TPD52L2: variants seen among roughly 807,000 people sequenced by gnomAD.
The protein encoded by TPD52L2 is tumor protein D54.
A neutral mutation model predicts 24.7 loss-of-function variants in TPD52L2; 19 were observed. That is an observed-to-expected ratio of 0.77 (90% confidence interval 0.54 to 1.13). The LOEUF is 1.13. Among genes scored for constraint, TPD52L2 ranks in the 50% most tolerant of loss-of-function variants. TPD52L2 has a pLI of 0.00. For missense variants in TPD52L2, 236 were observed against 250.4 expected (o/e 0.94, Z 0.39); for synonymous variants, 104 against 100.2 (o/e 1.04, Z -0.23).
intron 5 of TPD52L2, among the ~76,000 whole-genome samples, chr20:63,885,429 G>A (rs766154699): frequency 1.3e-5 from 2 of 152,248 alleles, no homozygotes; most frequent in Non-Finnish European, 2.9e-5. Context: ...TGGCTGCAGT[G>A]AGTGGCAGCA....
At chr20:63,874,670 C>G (rs377412512) in intron 3 of TPD52L2, among the ~76,000 whole-genome samples, 14 of 152,140 alleles carry the variant, frequency 9.2e-5, no homozygotes, top group African/African-American at 3.4e-4. Flanking sequence ...CCACCACATC[C>G]GGCTTATATA....
At chr20:63,881,359 CAAA>C (rs1007760444) in intron 4 of TPD52L2, among the ~76,000 whole-genome samples, 3 of 106,828 alleles carry the variant, frequency 2.8e-5, no homozygotes, top group Non-Finnish European at 1.9e-5. Flanking sequence ...GACTTTGTCT[CAAA>C]AAAAAAAAAA....
chr20:63,890,122 G>A lies in TPD52L2; in HGVS notation c.*177G>A, dbSNP rs1335585895. The A allele has an allele frequency of 6.5e-6, 9 of 1,385,230 alleles. No individual in the cohort carries two copies. Among genetic ancestry groups the A allele is most frequent in the African/African-American group, 5.7e-5 (4 of 69,730 alleles). The allele number at this position is 1,385,230 out of a possible 1,614,324, so 85.8% of individuals were successfully genotyped here. ...CGTTTGCATGAATTTGAAGAACACA[G>A]GCTTGTACACAGATGTTTTACACTC... On this transcript the variant is annotated 3_prime_UTR_variant, in exon 7 of 7. Coordinates refer to ENST00000346249, the MANE Select transcript of TPD52L2 (RefSeq NM_003288.4).
At chr20:63,878,813 G>T (rs967922001) in intron 4 of TPD52L2, among the ~76,000 whole-genome samples, 2 of 152,232 alleles carry the variant, frequency 1.3e-5, no homozygotes, top group Admixed American at 6.5e-5. Flanking sequence ...TCCCAAATGG[G>T]TGCTGGCTGG....
chr20:63,881,472 T>A (rs1458331340), intron 4 of TPD52L2, among the ~76,000 whole-genome samples: 1 of 152,022 alleles, frequency 6.6e-6, no homozygotes, highest in Non-Finnish European at 1.5e-5. Context: ...GGTCACACAC[T>A]CTTGTCAACT....
chr20:63,875,694 C>T (rs2052646045), intron 3 of TPD52L2, 122 bp from the exon 4 acceptor site: 1 of 989,002 alleles, frequency 1.0e-6, no homozygotes, highest in Admixed American at 2.0e-5. Context: ...TTTGGGCCGT[C>T]TGTGGAGTTG....
At chr20:63,888,111 C>T (rs2053199162) in intron 5 of TPD52L2, 1 of 163,568 alleles carries the variant, frequency 6.1e-6, no homozygotes, top group Non-Finnish European at 1.3e-5. Context: ...TATTCTGTGC[C>T]TGCGCCGTCA....
intron 5 of TPD52L2, chr20:63,888,919 G>T (rs1221883545): frequency 3.7e-6 from 2 of 544,872 alleles, no homozygotes; most frequent in Non-Finnish European, 6.6e-6. Flanking sequence ...ACAGAGAGGG[G>T]CCGACATCTC....
In TPD52L2 at chr20:63,872,063, T is replaced by A. The variant is rs925143998; in HGVS notation, c.166-1605T>A. On this transcript the variant is annotated intron_variant, in intron 2 of 6. Coordinates refer to ENST00000346249, the MANE Select transcript of TPD52L2 (RefSeq NM_003288.4). ...TGTTCTTTTTTTTTTTTTTTTTTTT[T>A]AAAGACCTGAGAAAGTTCAAGTCTT... is the stretch of plus-strand genomic sequence containing the variant. 3.3e-4 allele frequency among the ~76,000 whole-genome samples: 49 copies of A among 147,860 alleles called. No individual in the cohort carries two copies. In the East Asian group the frequency reaches 9.0e-3, roughly 27 times the overall value.
At position 63,865,273 on chromosome 20, in the gene TPD52L2, T is replaced by A. The variant is rs574147651; in HGVS notation, c.-93T>A. 3.9e-3 allele frequency: 5,440 copies of A among 1,383,512 alleles called. 23 individuals are homozygous for A. The highest frequency in any genetic ancestry group is 4.4e-3 in the Non-Finnish European group (4,620 of 1,055,784). 85.7% of individuals were successfully genotyped at this position (1,383,512 alleles called of 1,614,324 possible). A position where few individuals can be genotyped will look rare whatever the true frequency, so the allele number is the denominator to read the frequency against. On this transcript the variant is annotated 5_prime_UTR_variant, in exon 1 of 7. Transcript: ENST00000346249. The stretch of plus-strand genomic sequence containing the variant: ...CGAAACGCCGCGGAGCTGAGGCAGT[T>A]CCGCTGGCTAGTGTGTACGCGGCGA...
chr20:63,867,633 G>A (rs536365170), intron 1 of TPD52L2, among the ~76,000 whole-genome samples: 36 of 152,106 alleles, frequency 2.4e-4, no homozygotes, highest in Admixed American at 3.3e-4. Context: ...TTTGTGGAGC[G>A]CCAAGGAAGT....
In TPD52L2 at chr20:63,865,399, CG is replaced by C; in HGVS notation, c.19+17del. ...CGCCGGCCAAGGTACCTGCCGGGCC[CG>C]GCCCCTTCGCCGCAGATGGGCCCAG... On this transcript the variant is annotated intron_variant, in intron 1 of 6. Coordinates refer to ENST00000346249, the MANE Select transcript of TPD52L2 (RefSeq NM_003288.4). The C allele has an allele frequency of 6.5e-7, 1 of 1,529,100 alleles. No individual in the cohort carries two copies. The highest frequency in any genetic ancestry group is 8.7e-7 in the Non-Finnish European group (1 of 1,143,320). The allele number at this position is 1,529,100 out of a possible 1,614,324, so 94.7% of individuals were successfully genotyped here.
intron 2 of TPD52L2, among the ~76,000 whole-genome samples, chr20:63,873,223 C>T (rs1029705241): frequency 1.3e-5 from 2 of 152,008 alleles, no homozygotes; most frequent in African/African-American, 4.8e-5. Context: ...GGCGCGGTGG[C>T]TCACGCCTGT....
chr20:63,886,048 G>A (rs201759339), intron 5 of TPD52L2: 94 of 1,614,100 alleles, frequency 5.8e-5, no homozygotes, highest in Non-Finnish European at 7.5e-5. Flanking sequence ...TTTAGGTAAG[G>A]CTGAGCCTGG....
rs1022555420 is a variant in TPD52L2 at position 63,877,844 on chromosome 20, G to A, written c.374+1969G>A. Among the ~76,000 whole-genome samples, 2 of 152,218 alleles carry A rather than the reference G, an allele frequency of 1.3e-5. No individual in the cohort carries two copies. Among genetic ancestry groups the A allele is most frequent in the Non-Finnish European group, 2.9e-5 (2 of 67,994 alleles). On this transcript the variant is annotated intron_variant, in intron 4 of 6. Coordinates refer to ENST00000346249, the MANE Select transcript of TPD52L2 (RefSeq NM_003288.4). This position sits in a 1 kb window ranked among gnomAD's most constrained non-coding sequence, Gnocchi z 4.1. ...GTCAACTGACGGTTCCAGAGTGGAA[G>A]CGTTTCTGCCGGGAAGGCCCAGGCC...
At chr20:63,871,144 G>A (rs1002046566) in intron 2 of TPD52L2, among the ~76,000 whole-genome samples, 7 of 151,804 alleles carry the variant, frequency 4.6e-5, no homozygotes, top group Non-Finnish European at 8.8e-5. Flanking sequence ...CCTGGTTCAA[G>A]TGATTTTCAT....
chr20:63,875,161 A>T (rs1370020364), intron 3 of TPD52L2, among the ~76,000 whole-genome samples: 1 of 148,266 alleles, frequency 6.7e-6, no homozygotes, highest in Non-Finnish European at 1.5e-5. Flanking sequence ...AAATATATAT[A>T]TATATATATT....
chr20:63,886,006 C>A, intron 5 of TPD52L2: 1 of 1,614,138 alleles, frequency 6.2e-7, no homozygotes. Context: ...CTCCTGCTGC[C>A]ACCTTCCAGG....
intron 5 of TPD52L2, among the ~76,000 whole-genome samples, chr20:63,886,563 G>GTTTTAGCCAGGA (rs1555875339): frequency 2.0e-5 from 3 of 151,564 alleles, no homozygotes; most frequent in Non-Finnish European, 4.4e-5. Flanking sequence ...GGGTTTCACC[G>GTTTTAGCCAGGA]TGGTCTCGAT....
Sources: gnomAD v4.1 joint callset for allele counts (sites outside exome capture counted in the v4.1 genomes callset) on GRCh38, gnomAD v4.1.1 for gene constraint, Gnocchi (gnomAD v3.1) non-coding constraint, MANE v1.5 for transcripts, NCBI Gene and HGNC (gene_info 2026-07-23, HGNC 2026-07-21) for gene names.